SUMF1: variants seen among roughly 807,000 people sequenced by gnomAD.
SUMF1 encodes sulfatase modifying factor 1.
A neutral mutation model predicts 47.6 loss-of-function variants in SUMF1; 48 were observed. The ratio of observed to expected loss-of-function variants is 1.01; its 90% CI spans 0.80 to 1.28. The LOEUF is 1.28. SUMF1 is among the 50% of genes most tolerant of loss of function. The pLI is 0.00. For missense variants in SUMF1, 571 were observed against 485.4 expected (o/e 1.18, Z -1.66); for synonymous variants, 230 against 192.1 (o/e 1.20, Z -1.63).
At chr3:4,254,435 G>C (rs1220405453) in intron 8 of SUMF1, among the ~76,000 whole-genome samples, 5 of 150,624 alleles carry the variant, frequency 3.3e-5, no homozygotes, top group Non-Finnish European at 5.9e-5. Context: ...TGATGGAGCT[G>C]AAAACCAAGG....
chr3:4,110,699 G>T (rs1257007490), intron 8 of SUMF1, among the ~76,000 whole-genome samples: 9 of 151,812 alleles, frequency 5.9e-5, no homozygotes, highest in Non-Finnish European at 1.2e-4. Context: ...TGTAGGGACA[G>T]GGATGAAGCT....
intron 4 of SUMF1, among the ~76,000 whole-genome samples, chr3:4,418,694 A>G (rs1271764488): frequency 6.6e-6 from 1 of 152,192 alleles, no homozygotes; most frequent in Non-Finnish European, 1.5e-5. Flanking sequence ...GTGGGGCCCT[A>G]ACATTCTGCA....
chr3:4,201,671 G>A (rs1035673591), intron 8 of SUMF1, among the ~76,000 whole-genome samples: 2 of 152,072 alleles, frequency 1.3e-5, no homozygotes, highest in Admixed American at 1.3e-4. Context: ...GAGCAATACT[G>A]CTGGATCATG....
chr3:4,119,440 CAG>C (rs1220793755), intron 8 of SUMF1, among the ~76,000 whole-genome samples: 3 of 152,212 alleles, frequency 2.0e-5, no homozygotes, highest in Non-Finnish European at 4.4e-5. Context: ...ACCTGTGCCC[CAG>C]ACACACTGGA....
At chr3:4,432,879 A>T (rs781265601) in intron 3 of SUMF1, among the ~76,000 whole-genome samples, 3 of 152,114 alleles carry the variant, frequency 2.0e-5, no homozygotes, top group African/African-American at 7.2e-5. Context: ...ATTTTTCATG[A>T]AAAAAGTCCT....
At chr3:4,156,810 A>G (rs937467393) in intron 8 of SUMF1, among the ~76,000 whole-genome samples, 2 of 151,726 alleles carry the variant, frequency 1.3e-5, no homozygotes, top group African/African-American at 2.4e-5. Context: ...AGTTCAACTC[A>G]AAGAGTGTAT....
rs1011601912 is a variant in SUMF1, at chr3:4,063,976, T to C, written c.1191+4593A>G. 4.6e-5 allele frequency among the ~76,000 whole-genome samples: 7 copies of C among 152,220 alleles called. No individual in the cohort carries two copies. The South Asian group carries it at 1.4e-3, about 32-fold the overall frequency. On this transcript the variant is annotated intron_variant and NMD_transcript_variant, in intron 9 of 12. Transcript: ENST00000448413. ...CTTGGCCAGTCACTGCTGAGCTTGA[T>C]TGTCCCAACAAGATACAATTATTAG... is the stretch of plus-strand genomic sequence containing the variant.
At chr3:4,215,553 G>T (rs1695903460) in intron 8 of SUMF1, among the ~76,000 whole-genome samples, 5 of 152,080 alleles carry the variant, frequency 3.3e-5, no homozygotes, top group Admixed American at 3.3e-4. Context: ...AGGGCAATCA[G>T]GCAAGAGAAA....
intron 8 of SUMF1, among the ~76,000 whole-genome samples, chr3:4,167,515 C>T (rs1694735570): frequency 6.6e-6 from 1 of 152,180 alleles, no homozygotes; most frequent in Non-Finnish European, 1.5e-5. Flanking sequence ...AAACCTCTCA[C>T]TCCCTACAGA....
intron 8 of SUMF1, among the ~76,000 whole-genome samples, chr3:4,184,440 A>G (rs1335387905): frequency 6.6e-6 from 1 of 151,972 alleles, no homozygotes; most frequent in Admixed American, 6.6e-5. Flanking sequence ...TGGGCGACAA[A>G]GTGAAACTGG....
intron 8 of SUMF1, among the ~76,000 whole-genome samples, chr3:4,079,496 A>G (rs1692511833): frequency 6.6e-6 from 1 of 151,882 alleles, no homozygotes; most frequent in African/African-American, 2.4e-5. Context: ...TGTAGCTCTT[A>G]GGAATATGGG....
At chr3:4,074,059 C>T (rs1373982582) in intron 8 of SUMF1, among the ~76,000 whole-genome samples, 2 of 152,164 alleles carry the variant, frequency 1.3e-5, no homozygotes, top group East Asian at 3.8e-4. Context: ...CCACATCACA[C>T]TTATTCTAAA....
chr3:4,111,535 T>C (rs1693306868), intron 8 of SUMF1, among the ~76,000 whole-genome samples: 1 of 152,056 alleles, frequency 6.6e-6, no homozygotes, highest in Admixed American at 6.5e-5. Flanking sequence ...CTGGCCAACA[T>C]GGTGAAACCC....
At position 4,073,151 on chromosome 3, in the gene SUMF1, A is replaced by G. The variant is rs572574573; in HGVS notation, c.1015-4406T>C. Among the ~76,000 whole-genome samples, 6 of 152,358 alleles carry G rather than the reference A, an allele frequency of 3.9e-5. No individual in the cohort carries two copies. The South Asian group carries it at 1.2e-3, about 32-fold the overall frequency. Reference sequence around the variant, plus strand: ...CAGCGGATCTCTCTGCAGAAACCCTATAAGCCAGAAGAGAGTGGAAGCCAA... The same window carrying G: ...CAGCGGATCTCTCTGCAGAAACCCTGTAAGCCAGAAGAGAGTGGAAGCCAA... On this transcript the variant is annotated intron_variant and NMD_transcript_variant, in intron 8 of 12. Coordinates refer to the SUMF1 transcript ENST00000448413.
chr3:4,271,947 C>G (rs1411385410), intron 8 of SUMF1, among the ~76,000 whole-genome samples: 1 of 152,118 alleles, frequency 6.6e-6, no homozygotes, highest in Non-Finnish European at 1.5e-5. Flanking sequence ...GTAAGATAAG[C>G]CAAGAAAAAA....
intron 8 of SUMF1, among the ~76,000 whole-genome samples, chr3:4,253,899 C>A (rs1362188468): frequency 6.7e-6 from 1 of 150,032 alleles, no homozygotes; most frequent in Non-Finnish European, 1.5e-5. Flanking sequence ...GTTCTCCCAG[C>A]ACGCAGCTGG....
chr3:4,143,558 T>A (rs1374756451), intron 8 of SUMF1, among the ~76,000 whole-genome samples: 2 of 152,132 alleles, frequency 1.3e-5, no homozygotes, highest in African/African-American at 4.8e-5. Context: ...TATTTTGACA[T>A]AAAACATAAT....
chr3:4,099,622 AAGAG>A (rs1015014798), intron 8 of SUMF1, among the ~76,000 whole-genome samples: 1 of 152,140 alleles, frequency 6.6e-6, no homozygotes, highest in African/African-American at 2.4e-5. Context: ...GTGATTAGGC[AAGAG>A]AAAGAAATAC....
At chr3:4,308,509 GCCT>G (rs2125084309) in intron 8 of SUMF1, among the ~76,000 whole-genome samples, 1 of 152,298 alleles carries the variant, frequency 6.6e-6, no homozygotes, top group East Asian at 1.9e-4. Context: ...TTTATAAAGT[GCCT>G]GACATGGAGT....
Sources: gnomAD v4.1 joint callset for allele counts (sites outside exome capture counted in the v4.1 genomes callset) on GRCh38, gnomAD v4.1.1 for gene constraint, MANE v1.5 for transcripts, NCBI Gene and HGNC (gene_info 2026-07-23, HGNC 2026-07-21) for gene names.